Variants in TRIM22 observed in about 807,000 individuals in gnomAD.
TRIM22 encodes the protein tripartite motif containing 22.
In TRIM22, 45 loss-of-function variants were observed where a neutral mutation model predicts 53.6. The observed-to-expected ratio is 0.84, with a 90% CI of 0.66 to 1.08. TRIM22 has a LOEUF of 1.08. Ranked by LOEUF, TRIM22 falls within the 50% of genes least tolerant of loss-of-function variation. TRIM22 has a pLI of 0.00. For synonymous variants in TRIM22, 225 were observed against 216.6 expected (o/e 1.04, Z -0.34); for missense variants, 616 against 590.9 (o/e 1.04, Z -0.44).
chr11:5,695,256 G>T (rs1013222112), intron 1 of TRIM22, among the ~76,000 whole-genome samples: 4 of 152,174 alleles, frequency 2.6e-5, no homozygotes, highest in Admixed American at 2.6e-4. Flanking sequence ...CTAAGAAGAG[G>T]ACTTCTAAGA....
chr11:5,696,124 T>C (rs1853254696), intron 1 of TRIM22, 43 bp from the exon 2 acceptor site: 1 of 971,286 alleles, frequency 1.0e-6, no homozygotes, highest in African/African-American at 1.6e-5. Flanking sequence ...CAGTATTCTT[T>C]CTATTCCTTC....
At chr11:5,695,148 G>C (rs1239257279) in intron 1 of TRIM22, among the ~76,000 whole-genome samples, 1 of 152,154 alleles carries the variant, frequency 6.6e-6, no homozygotes, top group African/African-American at 2.4e-5. Flanking sequence ...GACATTTAAA[G>C]AACAATCTTA....
chr11:5,696,250 G>A lies in TRIM22; in HGVS notation c.18G>A (p.Lys6=), dbSNP rs764847056. Residue 6 remains lysine (K), a synonymous_variant, in exon 2 of 8, where the codon AAG becomes AAA. Transcript: ENST00000379965. Reference sequence around the variant, plus strand: ...GCAGTGCAATGGATTTCTCAGTAAAGGTAGACATAGAGAAGGAGGTGACCT... The same window carrying A: ...GCAGTGCAATGGATTTCTCAGTAAAAGTAGACATAGAGAAGGAGGTGACCT... MDFSV[K]VDIEKEVTCP... The A allele has an allele frequency of 3.5e-5, 57 of 1,611,348 alleles. No homozygotes were observed. The highest frequency in any genetic ancestry group is 4.6e-5 in the Non-Finnish European group (54 of 1,178,528).
rs1853517340 is a variant in TRIM22 at position 5,709,250 on chromosome 11, T to A, written c.1099T>A (p.Trp367Arg). 1.2e-6 allele frequency: 2 copies of A among 1,614,104 alleles called. No homozygotes were observed. Among genetic ancestry groups the A allele is most frequent in the Non-Finnish European group, 1.7e-6 (2 of 1,180,052 alleles). ...AGTAGATGTGTCTGGAAAGATTGCCTGGATCCTGGGCGTACACAGTAAAAT... is the reference window on the plus strand; with the variant it reads ...AGTAGATGTGTCTGGAAAGATTGCCAGGATCCTGGGCGTACACAGTAAAAT... ...WEVDVSGKIA[W>R]ILGVHSKISS... is the part of the protein sequence containing the mutation. The change falls in exon 8 of 8, where the codon TGG becomes AGG. Residue 367 changes from tryptophan (W) to arginine (R), a missense_variant. By Grantham distance (101) the Trp-to-Arg change is moderately radical. Transcript: ENST00000379965.
chr11:5,693,480 G>A (rs1853207822), intron 1 of TRIM22, among the ~76,000 whole-genome samples: 1 of 151,742 alleles, frequency 6.6e-6, no homozygotes, highest in African/African-American at 2.4e-5. Context: ...CAGCACTTTG[G>A]GAGGCCGAGG....
chr11:5,693,509 C>T (rs1051654290), intron 1 of TRIM22, among the ~76,000 whole-genome samples: 8 of 151,456 alleles, frequency 5.3e-5, no homozygotes, highest in African/African-American at 9.7e-5. Flanking sequence ...TCATGAGGTC[C>T]GGAGATCGAG....
intron 4 of TRIM22, among the ~76,000 whole-genome samples, chr11:5,705,227 T>C (rs1008195506): frequency 4.6e-5 from 7 of 152,208 alleles, no homozygotes; most frequent in Non-Finnish European, 4.4e-5. Flanking sequence ...ATGGTTTGCA[T>C]GCCTTAGAAT....
At chr11:5,699,478 T>C (rs1258116211) in intron 4 of TRIM22, among the ~76,000 whole-genome samples, 3 of 104,770 alleles carry the variant, frequency 2.9e-5, no homozygotes, top group South Asian at 3.0e-4. Flanking sequence ...GAACCGAGAT[T>C]GCGCCACTGC....
intron 5 of TRIM22, among the ~76,000 whole-genome samples, chr11:5,707,745 G>C (rs1853483398): frequency 6.6e-6 from 1 of 152,172 alleles, no homozygotes; most frequent in African/African-American, 2.4e-5. Context: ...CTGGGAGGCA[G>C]AGGTTGCAGT....
At chr11:5,707,000 C>T (rs981080566) in intron 5 of TRIM22, among the ~76,000 whole-genome samples, 3 of 152,016 alleles carry the variant, frequency 2.0e-5, no homozygotes, top group Non-Finnish European at 2.9e-5. Flanking sequence ...GTTTGTTTTC[C>T]TCCCTGAGAA....
At chr11:5,704,406 G>A (rs1420619492) in intron 4 of TRIM22, among the ~76,000 whole-genome samples, 2 of 151,962 alleles carry the variant, frequency 1.3e-5, no homozygotes, top group African/African-American at 4.8e-5. Context: ...ACTTATACAT[G>A]TTTCTTATCA....
In TRIM22 at chr11:5,708,550, A is replaced by G. The variant is rs73404237; in HGVS notation, c.875-27A>G. Reference sequence around the variant, plus strand: ...AGTACTTACTTATTTGCTTCTAACAACATCACTGAAACTTTTGTCGTTTCA... The same window carrying G: ...AGTACTTACTTATTTGCTTCTAACAGCATCACTGAAACTTTTGTCGTTTCA... On this transcript the variant is annotated intron_variant, in intron 6 of 7. Transcript: ENST00000379965. The G allele has an allele frequency of 3.7e-3, 5,920 of 1,596,502 alleles. 202 individuals are homozygous for G. The African/African-American group carries it at 0.071, about 19-fold the overall frequency.
chr11:5,690,703 A>G (rs921728657), intron 1 of TRIM22, among the ~76,000 whole-genome samples: 1 of 152,124 alleles, frequency 6.6e-6, no homozygotes, highest in Admixed American at 6.5e-5. Flanking sequence ...TGTCATTTTG[A>G]TTTTTCCATT....
In TRIM22 at chr11:5,709,404, A is replaced by G; in HGVS notation, c.1253A>G (p.Tyr418Cys). The stretch of plus-strand genomic sequence containing the variant: ...ATAGGATTACAGAATACATGTGAAT[A>G]TAATGCTTTTGAGGACTCCTCCTCT... Reference protein sequence around the residue: ...WVIGLQNTCEYNAFEDSSSSD... With the variant: ...WVIGLQNTCECNAFEDSSSSD... The change falls in exon 8 of 8, where the codon TAT (tyrosine) becomes TGT (cysteine). Residue 418 changes from tyrosine to cysteine, a missense_variant. By Grantham distance (194) the Tyr-to-Cys change is radical. Coordinates refer to ENST00000379965, the MANE Select transcript of TRIM22 (RefSeq NM_006074.5). The G allele has an allele frequency of 1.9e-6, 3 of 1,614,214 alleles. No individual in the cohort carries two copies. Among genetic ancestry groups the G allele is most frequent in the South Asian group, 1.1e-5 (1 of 91,088 alleles).
At chr11:5,700,774 C>G (rs1853362420) in intron 4 of TRIM22, among the ~76,000 whole-genome samples, 1 of 151,680 alleles carries the variant, frequency 6.6e-6, no homozygotes, top group Non-Finnish European at 1.5e-5. Context: ...AGGCCGCCCA[C>G]CACCACATCC....
At chr11:5,702,147 AAT>A (rs1399089806) in intron 4 of TRIM22, among the ~76,000 whole-genome samples, 1 of 145,950 alleles carries the variant, frequency 6.9e-6, no homozygotes, top group Non-Finnish European at 1.5e-5. Flanking sequence ...ATACATAACG[AAT>A]ATATATTAGT....
intron 4 of TRIM22, among the ~76,000 whole-genome samples, chr11:5,704,253 C>CTT (rs112574452): frequency 6.6e-6 from 1 of 151,204 alleles, no homozygotes; most frequent in Non-Finnish European, 1.5e-5. Flanking sequence ...CTTTATCTTT[C>CTT]TTTTTTTTTC....
intron 1 of TRIM22, among the ~76,000 whole-genome samples, chr11:5,693,199 TTTTTTTTTTTG>T (rs1853203602): frequency 8.0e-6 from 1 of 125,122 alleles, no homozygotes; most frequent in African/African-American, 3.0e-5. Context: ...CTTTTTTTTT[TTTTTTTTTTTG>T]ATTTAAATTG....
Position 5,696,674 on chromosome 11 carries a change from G to A in TRIM22, c.423+19G>A, listed in dbSNP as rs761717581. 8 of 1,593,986 alleles carry A rather than the reference G, an allele frequency of 5.0e-6. No individual in the cohort carries two copies. Among genetic ancestry groups the A allele is most frequent in the Non-Finnish European group, 6.8e-6 (8 of 1,173,762 alleles). ...ATGTCAGGTAGGCTCCAAGATAGAG[G>A]AAGAGAGAGCAGAGAGCAGAAGATG... is the stretch of plus-strand genomic sequence containing the variant. On this transcript the variant is annotated intron_variant, in intron 2 of 7. Coordinates refer to ENST00000379965, the MANE Select transcript of TRIM22 (RefSeq NM_006074.5).
Sources: gnomAD v4.1 joint callset for allele counts (sites outside exome capture counted in the v4.1 genomes callset) on GRCh38, gnomAD v4.1.1 for gene constraint, MANE v1.5 for transcripts, NCBI Gene and HGNC (gene_info 2026-07-23, HGNC 2026-07-21) for gene names.